The following REPS2 variants were observed in gnomAD, a reference collection of about 807,000 sequenced individuals.
REPS2 encodes the protein RALBP1 associated Eps domain containing 2, also known as ralBP1-associated Eps domain-containing protein 2.
A neutral mutation model predicts 53.6 loss-of-function variants in REPS2; 23 were observed. The ratio of observed to expected loss-of-function variants is 0.43; its 90% CI spans 0.31 to 0.61. REPS2 has a LOEUF of 0.61. REPS2 is among the 20% of genes least tolerant of loss of function. The probability of loss-of-function intolerance (pLI) is 0.11; values close to 1 mark genes in which losing one functional copy is unlikely to be tolerated. For missense variants in REPS2, 446 were observed against 534.9 expected (o/e 0.83, Z 1.64); for synonymous variants, 238 against 218.6 (o/e 1.09, Z -0.78).
chrX:17,018,780 T>C (rs945408284), intron 2 of REPS2, among the ~76,000 whole-genome samples: 3 of 109,663 alleles, frequency 2.7e-5, no homozygotes, highest in Non-Finnish European at 3.8e-5. Flanking sequence ...TTATGCTGTT[T>C]ACATTTTTTC....
At chrX:17,064,479 T>C (rs1362355760) in intron 9 of REPS2, among the ~76,000 whole-genome samples, 1 of 111,944 alleles carries the variant, frequency 8.9e-6, no homozygotes, top group Non-Finnish European at 1.9e-5. Flanking sequence ...TCATGAGAAA[T>C]TGGCTTAGTG....
downstream of REPS2, among the ~76,000 whole-genome samples, chrX:17,154,016 A>T (rs2063592460): frequency 9.0e-6 from 1 of 111,530 alleles, no homozygotes; most frequent in Non-Finnish European, 1.9e-5. Flanking sequence ...GACTTATTAG[A>T]AATGCAAATT....
intron 1 of REPS2, among the ~76,000 whole-genome samples, chrX:16,953,740 C>G (rs748901694): frequency 9.0e-6 from 1 of 111,298 alleles, no homozygotes; most frequent in Admixed American, 9.6e-5. Context: ...TTTACAATGA[C>G]TCATTGTTAC....
intron 12 of REPS2, among the ~76,000 whole-genome samples, chrX:17,075,191 A>G (rs2062362733): frequency 8.9e-6 from 1 of 112,208 alleles, no homozygotes. Flanking sequence ...CATCCTTTGT[A>G]AAAGGATGAA....
chrX:17,033,040 C>T (rs1438992301), intron 5 of REPS2, among the ~76,000 whole-genome samples: 1 of 112,182 alleles, frequency 8.9e-6, no homozygotes, highest in Non-Finnish European at 1.9e-5. Context: ...TCACAAATTA[C>T]CCTCAACATC....
the REPS2 span, among the ~76,000 whole-genome samples, chrX:17,167,176 A>T: frequency 1.8e-5 from 2 of 111,926 alleles, no homozygotes; most frequent in Non-Finnish European, 3.8e-5. Flanking sequence ...CAACCATATA[A>T]AATAAATATG....
intron 13 of REPS2, among the ~76,000 whole-genome samples, chrX:17,087,381 A>G (rs2062551603): frequency 8.9e-6 from 1 of 111,808 alleles, no homozygotes; most frequent in Non-Finnish European, 1.9e-5. Flanking sequence ...GGAGGAGTGT[A>G]TTACAGGAAG....
chrX:17,118,584 T>C (rs1327813610), intron 14 of REPS2, among the ~76,000 whole-genome samples: 1 of 112,239 alleles, frequency 8.9e-6, no homozygotes, highest in Non-Finnish European at 1.9e-5. Context: ...AGAAAAGGGC[T>C]GGAAAAGGTT....
At chrX:16,956,009 A>G (rs756716862) in intron 1 of REPS2, among the ~76,000 whole-genome samples, 154 of 112,013 alleles carry the variant, frequency 1.4e-3, no homozygotes, top group African/African-American at 4.7e-3. Flanking sequence ...GTAACTTCTT[A>G]GGTATTTTCA....
intron 10 of REPS2, 62 bp downstream of exon 10, chrX:17,068,533 C>T: frequency 1.1e-6 from 1 of 926,731 alleles, no homozygotes; most frequent in East Asian, 3.2e-5. Context: ...ATCTACTCCT[C>T]TTGGAATGGT....
intron 13 of REPS2, among the ~76,000 whole-genome samples, chrX:17,090,095 C>T (rs1240010372): frequency 3.7e-4 from 41 of 112,124 alleles, no homozygotes; most frequent in Admixed American, 3.3e-3. Flanking sequence ...TGATATCTCA[C>T]TGTGGTTTTG....
intron 14 of REPS2, among the ~76,000 whole-genome samples, chrX:17,117,822 T>TAGTTCTAG: frequency 9.0e-6 from 1 of 110,737 alleles, no homozygotes; most frequent in Middle Eastern, 4.6e-3. Context: ...CTGGTATTTC[T>TAGTTCTAG]AGTTCTAGAT....
the REPS2 span, among the ~76,000 whole-genome samples, chrX:17,159,623 G>T: frequency 9.0e-6 from 1 of 111,520 alleles, no homozygotes; most frequent in African/African-American, 3.3e-5. Flanking sequence ...TCATCTATAC[G>T]TTACTGATAA....
At chrX:17,024,561 TA>T (rs1253559462) in intron 3 of REPS2, among the ~76,000 whole-genome samples, 65 of 100,800 alleles carry the variant, frequency 6.4e-4, no homozygotes, top group South Asian at 4.8e-3. Context: ...CTCTCATTGT[TA>T]AAAAAAAAAA....
intron 14 of REPS2, among the ~76,000 whole-genome samples, chrX:17,108,421 T>G (rs1385675293): frequency 9.1e-6 from 1 of 110,258 alleles, no homozygotes; most frequent in Non-Finnish European, 1.9e-5. Context: ...ATCTGCCCAC[T>G]TCAGCCTCCC....
At chrX:17,077,921 TC>T (rs1199514047) in intron 13 of REPS2, among the ~76,000 whole-genome samples, 1 of 111,762 alleles carries the variant, frequency 8.9e-6, no homozygotes, top group Non-Finnish European at 1.9e-5. Context: ...TGGTGGAGGG[TC>T]CTAGGGCAAG....
intron 9 of REPS2, among the ~76,000 whole-genome samples, chrX:17,062,890 T>C (rs2062176590): frequency 8.9e-6 from 1 of 112,112 alleles, no homozygotes; most frequent in Admixed American, 9.5e-5. Flanking sequence ...ACAATTTTGA[T>C]TCTATTTTTA....
chrX:17,117,948 CTTTTTTTTTTTTT>C (rs145872769), intron 14 of REPS2, among the ~76,000 whole-genome samples: 86 of 30,985 alleles, frequency 2.8e-3, no homozygotes, highest in African/African-American at 0.012. Context: ...TGTTTCCTGA[CTTTTTTTTTTTTT>C]TTTTTTTTTT....
At chrX:17,024,920 G>T in intron 3 of REPS2, 139 bp from the exon 4 acceptor site, 1 of 859,803 alleles carries the variant, frequency 1.2e-6, no homozygotes, top group Non-Finnish European at 1.7e-6. Context: ...TAACCATGCT[G>T]CATTTTTGAG....
Sources: gnomAD v4.1 joint callset for allele counts (sites outside exome capture counted in the v4.1 genomes callset) on GRCh38, gnomAD v4.1.1 for gene constraint, MANE v1.5 for transcripts, NCBI Gene and HGNC (gene_info 2026-07-23, HGNC 2026-07-21) for gene names.